ACCSL: variants seen among roughly 807,000 people sequenced by gnomAD.
The protein encoded by ACCSL is 1-aminocyclopropane-1-carboxylate synthase homolog (inactive) like.
Under a neutral mutation model 61.7 loss-of-function variants are expected in ACCSL, and 55 were observed. That is an observed-to-expected ratio of 0.89 (90% confidence interval 0.72 to 1.12). ACCSL has a LOEUF of 1.12. Ranked by LOEUF, ACCSL falls within the 50% of genes most tolerant of loss-of-function variation. The pLI, the probability that ACCSL is intolerant of heterozygous loss-of-function variation, is 0.00. For synonymous variants in ACCSL, 258 were observed against 264.3 expected, an observed-to-expected ratio of 0.98 and a Z score of 0.23; for missense variants, 632 against 698.0, an observed-to-expected ratio of 0.91 and a Z score of 1.07.
At chr11:44,041,426 C>T in the ACCSL span, among the ~76,000 whole-genome samples, 1 of 152,206 alleles carries the variant, frequency 6.6e-6, no homozygotes, top group African/African-American at 2.4e-5. Flanking sequence ...CCTGCTAAAC[C>T]CTTTTGTTGA....
chr11:44,047,752 C>A (rs868255975), upstream of ACCSL, among the ~76,000 whole-genome samples: 1 of 152,290 alleles, frequency 6.6e-6, no homozygotes, highest in African/African-American at 2.4e-5. Context: ...TGTTCATATC[C>A]CCCTGCTCTT....
the ACCSL span, among the ~76,000 whole-genome samples, chr11:43,960,393 C>CGTTT: frequency 1.3e-5 from 2 of 151,882 alleles, no homozygotes; most frequent in East Asian, 3.9e-4. Flanking sequence ...CTGCCTTTTT[C>CGTTT]GTTTGTTTGT....
Position 44,050,048 on chromosome 11 carries a change from C to T in ACCSL, c.505-14C>T. Reference sequence around the variant, plus strand: ...AAGAGGACTGACCTGATCTTGGATTCCTTCCATCTCCAGGGTTTCATTAAC... The same window carrying T: ...AAGAGGACTGACCTGATCTTGGATTTCTTCCATCTCCAGGGTTTCATTAAC... On this transcript the variant is annotated splice_polypyrimidine_tract_variant and intron_variant, in intron 1 of 13. Coordinates refer to ENST00000378832, the MANE Select transcript of ACCSL (RefSeq NM_001031854.2). 4 of 1,614,164 alleles carry T rather than the reference C, an allele frequency of 2.5e-6. No homozygotes were observed. Among genetic ancestry groups the T allele is most frequent in the Non-Finnish European group, 2.5e-6 (3 of 1,180,014 alleles).
chr11:43,921,933 C>T, the ACCSL span, among the ~76,000 whole-genome samples: 3 of 152,152 alleles, frequency 2.0e-5, no homozygotes, highest in Non-Finnish European at 4.4e-5. Flanking sequence ...AGTAAAACTA[C>T]AGGGTGTAGG....
chr11:43,975,979 T>C, the ACCSL span, among the ~76,000 whole-genome samples: 53 of 152,330 alleles, frequency 3.5e-4, 1 homozygote, highest in South Asian at 9.7e-3. Context: ...TTTGCCTTTT[T>C]TGAACAGGAC....
the ACCSL span, among the ~76,000 whole-genome samples, chr11:44,009,913 CT>C: frequency 6.6e-6 from 1 of 152,230 alleles, no homozygotes; most frequent in East Asian, 1.9e-4. Flanking sequence ...TCTTCTTACT[CT>C]GCTTCTCCTG....
At chr11:43,937,760 G>A in the ACCSL span, among the ~76,000 whole-genome samples, 1 of 151,800 alleles carries the variant, frequency 6.6e-6, no homozygotes, top group Non-Finnish European at 1.5e-5. Context: ...GGGTCTCTTA[G>A]AACAATGCTA....
chr11:43,963,689 C>T, the ACCSL span, among the ~76,000 whole-genome samples: 5 of 152,234 alleles, frequency 3.3e-5, no homozygotes, highest in Non-Finnish European at 7.3e-5. Context: ...ATTATTCTTG[C>T]TTTACTGTTC....
At chr11:43,954,641 A>G in the ACCSL span, among the ~76,000 whole-genome samples, 5 of 151,102 alleles carry the variant, frequency 3.3e-5, no homozygotes, top group Admixed American at 1.3e-4. Flanking sequence ...CTGGAGTGCA[A>G]TGGTGCTATC....
chr11:43,975,484 G>T, the ACCSL span, among the ~76,000 whole-genome samples: 1 of 152,156 alleles, frequency 6.6e-6, no homozygotes, highest in Non-Finnish European at 1.5e-5. Context: ...ATGTTTTGAG[G>T]TTGTGTCTGA....
At chr11:44,049,167 C>G (rs1383756084) in intron 1 of ACCSL, among the ~76,000 whole-genome samples, 1 of 152,108 alleles carries the variant, frequency 6.6e-6, no homozygotes, top group African/African-American at 2.4e-5. Flanking sequence ...TGCCTGTAAT[C>G]CCAGCACTTT....
At chr11:44,027,976 A>G in the ACCSL span, among the ~76,000 whole-genome samples, 60,867 of 151,940 alleles carry the variant, frequency 0.4, 12,681 homozygotes, top group Admixed American at 0.42. Flanking sequence ...ACCAGTCTGC[A>G]CAACAGAGTG....
the ACCSL span, among the ~76,000 whole-genome samples, chr11:43,962,255 G>A: frequency 2.0e-5 from 3 of 152,140 alleles, no homozygotes; most frequent in South Asian, 4.1e-4. Context: ...GGAAATCTAC[G>A]GACTCTTGGA....
chr11:43,936,390 A>C, the ACCSL span, among the ~76,000 whole-genome samples: 7,323 of 152,272 alleles, frequency 0.048, 285 homozygotes, highest in East Asian at 0.13. Context: ...GGAGATCATA[A>C]AAGCAAAAGG....
the ACCSL span, among the ~76,000 whole-genome samples, chr11:43,976,282 C>T: frequency 2.0e-5 from 3 of 152,274 alleles, no homozygotes; most frequent in African/African-American, 7.2e-5. Flanking sequence ...AGAGGGCAGA[C>T]TATGGTATCC....
At chr11:43,967,167 C>CTTCTTTTT in the ACCSL span, among the ~76,000 whole-genome samples, 1 of 62,706 alleles carries the variant, frequency 1.6e-5, no homozygotes, top group Non-Finnish European at 2.7e-5. Context: ...TCTTCTTCTT[C>CTTCTTTTT]TTTTTTTTTT....
the ACCSL span, among the ~76,000 whole-genome samples, chr11:43,932,637 G>C: frequency 2.6e-5 from 4 of 152,176 alleles, no homozygotes; most frequent in Admixed American, 2.6e-4. Context: ...TGCTGTTTGC[G>C]TGCCCTCATG....
chr11:43,928,774 T>C, the ACCSL span, among the ~76,000 whole-genome samples: 4 of 152,208 alleles, frequency 2.6e-5, no homozygotes, highest in East Asian at 5.8e-4. Context: ...TGCTTATAAG[T>C]CATTCCTCCG....
At chr11:43,972,428 A>G in the ACCSL span, among the ~76,000 whole-genome samples, 5 of 152,340 alleles carry the variant, frequency 3.3e-5, no homozygotes, top group South Asian at 1.0e-3. Flanking sequence ...AAATTGAGGT[A>G]TTTGGATTCC....
Sources: allele counts gnomAD v4.1 joint callset (sites outside exome capture counted in the v4.1 genomes callset), GRCh38; gene constraint gnomAD v4.1.1; transcripts MANE v1.5; gene names NCBI Gene and HGNC (gene_info 2026-07-23, HGNC 2026-07-21).